SOBP: variants seen among roughly 807,000 people sequenced by gnomAD.
SOBP encodes sine oculis-binding protein homolog.
Under a neutral mutation model 53.6 loss-of-function variants are expected in SOBP, and 4 were observed. The ratio of observed to expected loss-of-function variants is 0.07; its 90% confidence interval spans 0.04 to 0.17. The LOEUF (loss-of-function observed/expected upper bound fraction) is 0.17. SOBP is among the 10% of genes least tolerant of loss of function. SOBP has a pLI of 1.00. For missense variants in SOBP, 1,088 were observed against 1,204.7 expected, an observed-to-expected ratio of 0.90 and a Z score of 1.43; for synonymous variants, 584 against 522.6, an observed-to-expected ratio of 1.12 and a Z score of -1.60.
At chr6:107,642,212 T>A (rs571375659) in intron 6 of SOBP, among the ~76,000 whole-genome samples, 40 of 151,066 alleles carry the variant, frequency 2.6e-4, no homozygotes, top group Non-Finnish European at 4.0e-4. Flanking sequence ...CTGCAGAGAG[T>A]TCTTCTCCAG....
intron 4 of SOBP, among the ~76,000 whole-genome samples, chr6:107,556,585 G>A (rs144700842): frequency 7.0e-4 from 107 of 152,328 alleles, no homozygotes; most frequent in Middle Eastern, 3.4e-3. Flanking sequence ...TTGTGAATTG[G>A]CTTGACAAAA....
intron 1 of SOBP, among the ~76,000 whole-genome samples, chr6:107,492,608 G>A (rs1264909349): frequency 6.6e-6 from 1 of 152,142 alleles, no homozygotes; most frequent in Non-Finnish European, 1.5e-5. Context: ...GTCTGAACTG[G>A]TGAGGAAGAA....
rs545221052 is a variant in SOBP at position 107,658,254 on chromosome 6, A to G, written c.*51A>G. On this transcript the variant is annotated 3_prime_UTR_variant, in exon 7 of 7. Coordinates refer to ENST00000317357, the MANE Select transcript of SOBP (RefSeq NM_018013.4). ...CTCATGGAGAGAGGGCGCAGAGCAA[A>G]CCATGTCACGCCATCCAATGACACC... 2.0e-5 allele frequency: 3 copies of G among 152,826 alleles called. No individual in the cohort carries two copies. In the East Asian group the frequency reaches 5.8e-4, roughly 30 times the overall value. 9.5% of individuals were successfully genotyped at this position (152,826 alleles called of 1,614,324 possible).
chr6:107,616,919 G>T (rs10080367), intron 5 of SOBP, among the ~76,000 whole-genome samples: 1,684 of 152,286 alleles, frequency 0.011, 27 homozygotes, highest in African/African-American at 0.038. Flanking sequence ...CCAGGCATGG[G>T]GAGGGCCTCT....
intron 4 of SOBP, among the ~76,000 whole-genome samples, chr6:107,547,152 A>T (rs1784323315): frequency 6.6e-6 from 1 of 152,200 alleles, no homozygotes; most frequent in Admixed American, 6.5e-5. Context: ...CCTTACAAAT[A>T]TATACATATA....
chr6:107,654,984 G>A (rs1007109562), intron 6 of SOBP, among the ~76,000 whole-genome samples: 2 of 151,242 alleles, frequency 1.3e-5, no homozygotes, highest in Non-Finnish European at 1.5e-5. Flanking sequence ...TAGAAGAATC[G>A]AGGCTCTGGG....
At chr6:107,570,886 C>G (rs1785054713) in intron 4 of SOBP, among the ~76,000 whole-genome samples, 1 of 152,246 alleles carries the variant, frequency 6.6e-6, no homozygotes, top group African/African-American at 2.4e-5. Flanking sequence ...AACATATTAA[C>G]AAATAACCTT....
rs1008441942 is a variant in SOBP, at chr6:107,635,019, C to T, written c.2175C>T (p.Asn725=). 3 of 1,206,618 alleles carry T rather than the reference C, an allele frequency of 2.5e-6. No individual in the cohort carries two copies. The highest frequency in any genetic ancestry group is 4.6e-5 in the Admixed American group (1 of 21,600). The allele number at this position is 1,206,618 out of a possible 1,614,324, so 74.7% of individuals were successfully genotyped here. A position where few individuals can be genotyped will look rare whatever the true frequency, so the allele number is the denominator to read the frequency against. ...CCGCGGCCTGCAACGTCATCGTGAA[C>T]GGCACGCGCGGCGCCGCCGCCGAGG... ...EAAAACNVIV[N]GTRGAAAEGA... Residue 725 remains asparagine (N), a synonymous_variant, in exon 6 of 7, where the codon AAC becomes AAT. Coordinates refer to ENST00000317357, the MANE Select transcript of SOBP (RefSeq NM_018013.4). The surrounding 1 kb of genome is among the most constrained non-coding windows in gnomAD (Gnocchi z 4.5).
intron 4 of SOBP, among the ~76,000 whole-genome samples, chr6:107,539,616 G>A (rs1295453843): frequency 1.3e-5 from 2 of 152,208 alleles, no homozygotes; most frequent in Non-Finnish European, 2.9e-5. Flanking sequence ...GCCACATTGT[G>A]TTCTGGTGAC....
At chr6:107,608,292 T>C (rs550064415) in intron 5 of SOBP, among the ~76,000 whole-genome samples, 1 of 152,234 alleles carries the variant, frequency 6.6e-6, no homozygotes, top group South Asian at 2.1e-4. Context: ...AGTTTCCTCG[T>C]TGGTGATGTA....
chr6:107,614,605 A>T (rs1786714681), intron 5 of SOBP, among the ~76,000 whole-genome samples: 1 of 152,220 alleles, frequency 6.6e-6, no homozygotes, highest in Admixed American at 6.5e-5. Flanking sequence ...GAACACTTTT[A>T]TAAAGTAGTG....
In SOBP at chr6:107,506,332, A is replaced by G. The variant is rs2114949396; in HGVS notation, c.326A>G (p.Asn109Ser). Residue 109 changes from asparagine to serine, a missense_variant, in exon 3 of 7, where the codon AAT becomes AGT. Physicochemically the swap from Asn to Ser is conservative, Grantham distance 46 (BLOSUM62 1). Around this residue, in one of 6 missense-constraint regions of SOBP, gnomAD observed 112 missense variants for 117.9 expected, o/e 0.95. Transcript: ENST00000317357. ...STGYSGLATGNGLSDSPAGSK... is the reference protein window; with the variant it reads ...STGYSGLATGSGLSDSPAGSK... ...GGCTATTCAGGGCTTGCCACTGGAA[A>G]TGGACTCAGTGACTCACCTGCAGGG... The G allele has an allele frequency of 6.2e-7, 1 of 1,614,178 alleles. No individual in the cohort carries two copies. The highest frequency in any genetic ancestry group is 2.2e-5 in the East Asian group (1 of 44,880).
At chr6:107,572,668 G>C (rs905374465) in intron 4 of SOBP, among the ~76,000 whole-genome samples, 1 of 152,230 alleles carries the variant, frequency 6.6e-6, no homozygotes, top group Admixed American at 6.5e-5. Flanking sequence ...TCTCCCTGTC[G>C]TTTATCTTTT....
chr6:107,522,950 C>A (rs1783557485), intron 3 of SOBP, among the ~76,000 whole-genome samples: 1 of 152,012 alleles, frequency 6.6e-6, no homozygotes, highest in Non-Finnish European at 1.5e-5. Flanking sequence ...TTTCTGCCAT[C>A]AGGTAACTGG....
chr6:107,582,191 A>C (rs1463742175), intron 4 of SOBP, among the ~76,000 whole-genome samples: 2 of 152,198 alleles, frequency 1.3e-5, no homozygotes, highest in African/African-American at 2.4e-5. Context: ...TATTTCTAGA[A>C]TGTTCCACCT....
intron 4 of SOBP, among the ~76,000 whole-genome samples, chr6:107,543,707 G>C (rs958356647): frequency 6.6e-6 from 1 of 152,170 alleles, no homozygotes; most frequent in Non-Finnish European, 1.5e-5. Flanking sequence ...TTCTTTACAC[G>C]ATGGATGTGT....
At chr6:107,554,176 G>A (rs1476385017) in intron 4 of SOBP, among the ~76,000 whole-genome samples, 2 of 152,178 alleles carry the variant, frequency 1.3e-5, no homozygotes, top group African/African-American at 4.8e-5. Context: ...TACAGTATTA[G>A]GGAAAAGGGC....
chr6:107,604,642 G>C (rs556129777), intron 5 of SOBP, among the ~76,000 whole-genome samples: 1 of 151,934 alleles, frequency 6.6e-6, no homozygotes, highest in Non-Finnish European at 1.5e-5. Flanking sequence ...AAGCTAAGAA[G>C]GTGAGGTCAG....
At chr6:107,605,918 A>G (rs1022869291) in intron 5 of SOBP, among the ~76,000 whole-genome samples, 1 of 152,150 alleles carries the variant, frequency 6.6e-6, no homozygotes, top group Non-Finnish European at 1.5e-5. Flanking sequence ...TGGAGACGCT[A>G]TAGGCTAGGG....
Sources: allele counts gnomAD v4.1 joint callset (sites outside exome capture counted in the v4.1 genomes callset), GRCh38; gene constraint gnomAD v4.1.1; regional missense constraint gnomAD v4.1.1; non-coding constraint Gnocchi (gnomAD v3.1); transcripts MANE v1.5; gene names NCBI Gene and HGNC (gene_info 2026-07-23, HGNC 2026-07-21).